Variants in RHEBL1 observed in about 807,000 individuals in gnomAD.
RHEBL1 encodes the protein RHEB like 1, also known as GTPase RhebL1.
Under a neutral mutation model 27.4 loss-of-function variants are expected in RHEBL1, and 22 were observed. The observed-to-expected ratio is 0.80, with a 90% CI of 0.57 to 1.15. The LOEUF is 1.15. Among genes scored for constraint, RHEBL1 ranks in the 50% most tolerant of loss-of-function variants. RHEBL1 has a pLI of 0.00. For synonymous variants in RHEBL1, 85 were observed against 80.8 expected, an observed-to-expected ratio of 1.05 and a Z score of -0.28; for missense variants, 186 against 226.5, an observed-to-expected ratio of 0.82 and a Z score of 1.15.
chr12:49,064,973 C>CCA lies in RHEBL1; in HGVS notation c.*128_*129dup, dbSNP rs1049431272. 8.7e-5 allele frequency: 60 copies of CCA among 687,084 alleles called. No homozygotes were observed. The highest frequency in any genetic ancestry group is 1.3e-4 in the Non-Finnish European group (50 of 383,494). The allele number at this position is 687,084 out of a possible 1,614,324, so 42.6% of individuals were successfully genotyped here. A position where few individuals can be genotyped will look rare whatever the true frequency, so the allele number is the denominator to read the frequency against. The stretch of plus-strand genomic sequence containing the variant: ...GGGAAAGTGTGCAAACATGAGGATG[C>CCA]CACACTGTGTGTCCAGGGGCCAGGA... On this transcript the variant is annotated 3_prime_UTR_variant, in exon 8 of 8. Transcript: ENST00000301068.
At chr12:49,068,990 T>C (rs756608072) in intron 2 of RHEBL1, 45 bp downstream of exon 2, 3 of 1,575,240 alleles carry the variant, frequency 1.9e-6, no homozygotes, top group Non-Finnish European at 2.6e-6. Flanking sequence ...ATCCAAGCCC[T>C]CCGGGTCGCA....
chr12:49,065,066 G>A lies in RHEBL1; in HGVS notation c.*37C>T, dbSNP rs1049365841. On this transcript the variant is annotated 3_prime_UTR_variant, in exon 8 of 8. Coordinates refer to ENST00000301068, the MANE Select transcript of RHEBL1 (RefSeq NM_144593.3). ...CCCCACTGGAACATGGCAAGTGCCG[G>A]GGGCAGAAGCAAGGCAGTTACCCCA... The A allele has an allele frequency of 9.5e-6, 14 of 1,478,728 alleles. No individual in the cohort carries two copies. The highest frequency in any genetic ancestry group is 1.3e-5 in the Non-Finnish European group (14 of 1,057,008). 91.6% of individuals were successfully genotyped at this position (1,478,728 alleles called of 1,614,324 possible). A position where few individuals can be genotyped will look rare whatever the true frequency, so the allele number is the denominator to read the frequency against.
chr12:49,068,184 C>T (rs1939028668), intron 2 of RHEBL1, among the ~76,000 whole-genome samples: 1 of 151,276 alleles, frequency 6.6e-6, no homozygotes, highest in African/African-American at 2.4e-5. Flanking sequence ...GGCTAGAGCG[C>T]AGTGGCACGA....
chr12:49,065,512 C>A, intron 6 of RHEBL1, 81 bp from the exon 7 acceptor site: 2 of 1,197,520 alleles, frequency 1.7e-6, no homozygotes, highest in Non-Finnish European at 1.2e-6. Flanking sequence ...TCAAGACTTC[C>A]TGGCCAGGCA....
At chr12:49,068,508 TCACTGC>T (rs537931899) in intron 2 of RHEBL1, among the ~76,000 whole-genome samples, 1 of 145,406 alleles carries the variant, frequency 6.9e-6, no homozygotes, top group Admixed American at 7.2e-5. Context: ...CGACCTTGGC[TCACTGC>T]CACTTTTGCC....
intron 2 of RHEBL1, among the ~76,000 whole-genome samples, chr12:49,067,514 C>T (rs1480200125): frequency 6.6e-6 from 1 of 151,022 alleles, no homozygotes; most frequent in African/African-American, 2.4e-5. Context: ...CGCAGTGGCT[C>T]ACACCTGTAA....
chr12:49,069,279 T>A, intron 1 of RHEBL1, 173 bp from the exon 2 acceptor site: 1 of 1,160,556 alleles, frequency 8.6e-7, no homozygotes, highest in Non-Finnish European at 1.2e-6. Flanking sequence ...TCACCCAGGG[T>A]CTCCGCACTT....
At position 49,065,090 on chromosome 12, in the gene RHEBL1, C is replaced by T; in HGVS notation, c.*13G>A. 1.2e-6 allele frequency: 2 copies of T among 1,603,792 alleles called. No homozygotes were observed. The highest frequency in any genetic ancestry group is 1.3e-5 in the African/African-American group (1 of 74,822). On this transcript the variant is annotated 3_prime_UTR_variant, in exon 8 of 8. Coordinates refer to ENST00000301068, the MANE Select transcript of RHEBL1 (RefSeq NM_144593.3). ...GGGGGCAGAAGCAAGGCAGTTACCC[C>T]ACACCCAAGGGCTCACATGAGATGG...
Position 49,069,767 on chromosome 12 carries a change from T to C in RHEBL1, c.19A>G (p.Arg7Gly), listed in dbSNP as rs1015336904. 1.9e-6 allele frequency: 3 copies of C among 1,613,860 alleles called. No individual in the cohort carries two copies. Among genetic ancestry groups the C allele is most frequent in the Non-Finnish European group, 2.5e-6 (3 of 1,179,976 alleles). ...CGGTATCCGAGGATGACCACCTTCC[T>C]GTAGCGGACTAGCGGCATGGCAGGA... MPLVRY[R>G]KVVILGYRCV... Residue 7 changes from arginine to glycine, a missense_variant, in exon 1 of 8, where the codon AGG (arginine) becomes GGG (glycine). Physicochemically the swap from Arg to Gly is moderately radical, Grantham distance 125. Around this residue, in one of 3 missense-constraint regions of RHEBL1, gnomAD observed 62 missense variants for 62.1 expected, o/e 1.00. Coordinates refer to ENST00000301068, the MANE Select transcript of RHEBL1 (RefSeq NM_144593.3).
At chr12:49,069,710 G>C (rs1258958380) in intron 1 of RHEBL1, 24 bp downstream of exon 1, 6 of 1,611,286 alleles carry the variant, frequency 3.7e-6, no homozygotes, top group Non-Finnish European at 5.1e-6. Context: ...CTGCGCGTCC[G>C]AGCTCTGCAG....
Position 49,069,105 on chromosome 12 carries a change from C to A in RHEBL1, c.54G>T (p.Gly18=), listed in dbSNP as rs1939045444. 6.2e-7 allele frequency: 1 copy of A among 1,614,052 alleles called. No individual in the cohort carries two copies. The change falls in exon 2 of 8, where the codon GGG becomes GGT. Residue 18 remains glycine, a splice_region_variant and synonymous_variant. Coordinates refer to ENST00000301068, the MANE Select transcript of RHEBL1 (RefSeq NM_144593.3). The part of the protein sequence containing the change: ...KVVILGYRCV[G]KTSLAHQFVE... Reference sequence around the variant, plus strand: ...CAAATTGATGTGCCAAAGATGTCTTCCCTGTGGGGAGCAGTGTGACAGTTG... The same window carrying A: ...CAAATTGATGTGCCAAAGATGTCTTACCTGTGGGGAGCAGTGTGACAGTTG...
chr12:49,066,580 G>A (rs772320055), intron 4 of RHEBL1, 39 bp downstream of exon 4: 35 of 1,613,208 alleles, frequency 2.2e-5, no homozygotes, highest in Non-Finnish European at 3.0e-5. Context: ...CAGTCCTCAG[G>A]TTCTCCCAAG....
At chr12:49,066,784 TCCCTGGGGCACG>T in intron 3 of RHEBL1, 83 bp from the exon 4 acceptor site, 2 of 1,303,246 alleles carry the variant, frequency 1.5e-6, no homozygotes, top group Non-Finnish European at 2.2e-6. Context: ...CAGGTGACCC[TCCCTGGGGCACG>T]CCCTACTATA....
In RHEBL1 at chr12:49,065,057, C is replaced by A; in HGVS notation, c.*46G>T. Reference sequence around the variant, plus strand: ...GGATCTGCCCCCCACTGGAACATGGCAAGTGCCGGGGGCAGAAGCAAGGCA... The same window carrying A: ...GGATCTGCCCCCCACTGGAACATGGAAAGTGCCGGGGGCAGAAGCAAGGCA... On this transcript the variant is annotated 3_prime_UTR_variant, in exon 8 of 8. Coordinates refer to ENST00000301068, the MANE Select transcript of RHEBL1 (RefSeq NM_144593.3). 3 of 1,402,138 alleles carry A rather than the reference C, an allele frequency of 2.1e-6. No individual in the cohort carries two copies. The highest frequency in any genetic ancestry group is 3.0e-6 in the Non-Finnish European group (3 of 987,342). The allele number at this position is 1,402,138 out of a possible 1,614,324, so 86.9% of individuals were successfully genotyped here.
At chr12:49,069,378 C>T (rs1476423668) in intron 1 of RHEBL1, among the ~76,000 whole-genome samples, 1 of 152,116 alleles carries the variant, frequency 6.6e-6, no homozygotes, top group Non-Finnish European at 1.5e-5. Context: ...TCCAAGATTC[C>T]CTAGGATCAA....
chr12:49,065,479 A>G (rs1938981545), intron 6 of RHEBL1, 48 bp from the exon 7 acceptor site: 3 of 1,484,224 alleles, frequency 2.0e-6, no homozygotes, highest in South Asian at 1.1e-5. Flanking sequence ...AATGTCAGTA[A>G]GTGCTCTGAA....
chr12:49,067,088 A>T, intron 2 of RHEBL1, 53 bp from the exon 3 acceptor site: 143 of 937,498 alleles, frequency 1.5e-4, no homozygotes, highest in Non-Finnish European at 2.1e-4. Flanking sequence ...CCAGCGATGT[A>T]TGTCCCCTGA....
rs980814175 is a variant in RHEBL1 at position 49,069,857 on chromosome 12, C to A, written c.-72G>T. ...CCCGAAAACGAGGTCAGGGTGTGAG[C>A]AGGCGCGGCAGCTGGTGCAGGAAAG... On this transcript the variant is annotated 5_prime_UTR_variant, in exon 1 of 8. Transcript: ENST00000301068. The A allele has an allele frequency of 8.1e-6, 11 of 1,351,236 alleles. No homozygotes were observed. In the African/African-American group the frequency reaches 1.3e-4, roughly 16 times the overall value. 83.7% of individuals were successfully genotyped at this position (1,351,236 alleles called of 1,614,324 possible). A position where few individuals can be genotyped will look rare whatever the true frequency, so the allele number is the denominator to read the frequency against.
intron 2 of RHEBL1, among the ~76,000 whole-genome samples, chr12:49,068,709 T>G (rs933636650): frequency 1.3e-5 from 2 of 152,170 alleles, no homozygotes; most frequent in African/African-American, 4.8e-5. Context: ...GTGCTGGGAT[T>G]ACAGGCATGA....
Sources: allele counts gnomAD v4.1 joint callset (sites outside exome capture counted in the v4.1 genomes callset), GRCh38; gene constraint gnomAD v4.1.1; regional missense constraint gnomAD v4.1.1; transcripts MANE v1.5; gene names NCBI Gene and HGNC (gene_info 2026-07-23, HGNC 2026-07-21).